Variants in SLIT1 observed in about 807,000 individuals in gnomAD.
SLIT1 encodes slit guidance ligand 1.
In SLIT1, 66 loss-of-function variants were observed where a neutral mutation model predicts 186.1. The ratio of observed to expected loss-of-function variants is 0.35; its 90% CI spans 0.29 to 0.44. The LOEUF (loss-of-function observed/expected upper bound fraction) is 0.44. SLIT1 is among the 20% of genes least tolerant of loss of function. The probability of loss-of-function intolerance (pLI) is 1.00; values close to 1 mark genes in which losing one functional copy is unlikely to be tolerated. For missense variants in SLIT1, 1,638 were observed against 2,037.4 expected (o/e 0.80, Z 3.77); for synonymous variants, 761 against 833.8 (o/e 0.91, Z 1.50).
chr10:97,132,796 G>A (rs1345108722), intron 4 of SLIT1, among the ~76,000 whole-genome samples: 1 of 152,170 alleles, frequency 6.6e-6, no homozygotes, highest in Non-Finnish European at 1.5e-5. Context: ...AATCTCCAGG[G>A]CCGGTGGGGC....
chr10:97,149,467 C>T (rs373853316), intron 4 of SLIT1, among the ~76,000 whole-genome samples: 11 of 152,182 alleles, frequency 7.2e-5, no homozygotes, highest in Middle Eastern at 6.8e-3. Flanking sequence ...TTGAACCGGG[C>T]GGGGCAGAAG....
At chr10:97,086,608 TATCAAGTCAAACTGAAATGCA>T (rs1849162754) in intron 4 of SLIT1, among the ~76,000 whole-genome samples, 1 of 152,024 alleles carries the variant, frequency 6.6e-6, no homozygotes, top group Non-Finnish European at 1.5e-5. Context: ...AGGAAAGGAC[TATCAAGTCAAACTGAAATGCA>T]TATGATTAAG....
chr10:97,126,742 G>A (rs754848423), intron 4 of SLIT1, among the ~76,000 whole-genome samples: 19 of 152,170 alleles, frequency 1.2e-4, no homozygotes, highest in African/African-American at 4.3e-4. Flanking sequence ...GGCTGGTCTC[G>A]GGCAGGTCCT....
At chr10:97,013,667 G>T in intron 30 of SLIT1, 74 bp downstream of exon 30, 1 of 1,076,006 alleles carries the variant, frequency 9.3e-7, no homozygotes, top group Non-Finnish European at 1.4e-6. Flanking sequence ...GGTGGGGCAC[G>T]GAGCCCAGAC....
In SLIT1 at chr10:97,001,198, T is replaced by G; in HGVS notation, c.4519A>C (p.Lys1507Gln). The G allele has an allele frequency of 6.2e-7, 1 of 1,613,208 alleles. No homozygotes were observed. Among genetic ancestry groups the G allele is most frequent in the Non-Finnish European group, 8.5e-7 (1 of 1,179,892 alleles). Residue 1507 changes from lysine (K) to glutamine (Q), a missense_variant, in exon 37 of 37, where the codon AAG (lysine) becomes CAG (glutamine). Coordinates refer to ENST00000266058, the MANE Select transcript of SLIT1 (RefSeq NM_003061.3). ...CCQGLRLKRR[K>Q]FTFECSDGTS... ...CCATCGCTGCACTCAAAGGTGAACT[T>G]CCTCCGCTTCAGCCGAAGGCCCTGG...
chr10:97,040,048 C>T lies in SLIT1; in HGVS notation c.2237G>A (p.Arg746Gln), dbSNP rs758675702. 8 of 1,612,800 alleles carry T rather than the reference C, an allele frequency of 5.0e-6. No individual in the cohort carries two copies. Among genetic ancestry groups the T allele is most frequent in the East Asian group, 2.2e-5 (1 of 44,822 alleles). The change falls in exon 21 of 37, where the codon CGA becomes CAA. Residue 746 changes from arginine (R) to glutamine (Q), a missense_variant. Physicochemically the swap from Arg to Gln is conservative, Grantham distance 43. Transcript: ENST00000266058. ...QECACLDTVVRCSNKHLRALP... is the reference protein window; with the variant it reads ...QECACLDTVVQCSNKHLRALP... The stretch of plus-strand genomic sequence containing the variant: ...GGCCCGCAGGTGCTTGTTGCTGCAT[C>T]GGACCACGGTGTCCAGGCAGGCGCA...
At position 97,004,566 on chromosome 10, in the gene SLIT1, G is replaced by T; in HGVS notation, c.3710+127C>A. ...GCTGGGGCTAACCCAGATGGTTCAA[G>T]TGTCCTTCAAACTCAGGCAGCCCAG... is the stretch of plus-strand genomic sequence containing the variant. On this transcript the variant is annotated intron_variant, in intron 33 of 36. Transcript: ENST00000266058. The surrounding 1 kb of genome is among the most constrained non-coding windows in gnomAD (Gnocchi z 5.1). 1 of 1,148,634 alleles carries T rather than the reference G, an allele frequency of 8.7e-7. No individual in the cohort carries two copies. The highest frequency in any genetic ancestry group is 1.3e-6 in the Non-Finnish European group (1 of 784,338). 71.2% of individuals were successfully genotyped at this position (1,148,634 alleles called of 1,614,324 possible). A position where few individuals can be genotyped will look rare whatever the true frequency, so the allele number is the denominator to read the frequency against.
intron 4 of SLIT1, among the ~76,000 whole-genome samples, chr10:97,067,091 A>T (rs1321382086): frequency 6.6e-6 from 1 of 152,198 alleles, no homozygotes; most frequent in Non-Finnish European, 1.5e-5. Context: ...GCCTGACTCC[A>T]AACCCTGTGC....
Position 97,043,667 on chromosome 10 carries a change from C to G in SLIT1, c.1854-154G>C, listed in dbSNP as rs1848710658. Among the ~76,000 whole-genome samples the G allele has an allele frequency of 6.6e-6, 1 of 152,156 alleles. No homozygotes were observed. The highest frequency in any genetic ancestry group is 6.5e-5 in the Admixed American group (1 of 15,290). ...GAACACGCACCAGCCAGGCCCCGGCCAGGTGAGGCGAGTTTTACACACCTG... is the reference window on the plus strand; with the variant it reads ...GAACACGCACCAGCCAGGCCCCGGCGAGGTGAGGCGAGTTTTACACACCTG... On this transcript the variant is annotated intron_variant, in intron 18 of 36. Coordinates refer to ENST00000266058, the MANE Select transcript of SLIT1 (RefSeq NM_003061.3). This position sits in a 1 kb window ranked among gnomAD's most constrained non-coding sequence, Gnocchi z 7.0.
At chr10:97,100,124 C>A (rs1849335545) in intron 4 of SLIT1, among the ~76,000 whole-genome samples, 1 of 152,152 alleles carries the variant, frequency 6.6e-6, no homozygotes, top group Non-Finnish European at 1.5e-5. Flanking sequence ...GTGTTGGAGA[C>A]CCTTCCTGCT....
intron 4 of SLIT1, among the ~76,000 whole-genome samples, chr10:97,111,016 C>T (rs1849459271): frequency 6.6e-6 from 1 of 151,896 alleles, no homozygotes; most frequent in African/African-American, 2.4e-5. Context: ...ATGGTGAAAC[C>T]CCATCTCTAC....
intron 4 of SLIT1, among the ~76,000 whole-genome samples, chr10:97,097,237 C>CA (rs1164336176): frequency 2.6e-5 from 4 of 152,234 alleles, no homozygotes; most frequent in African/African-American, 9.6e-5. Context: ...GATCCCAGAG[C>CA]ATGGAGTGCC....
At chr10:97,018,322 C>T (rs1848471660) in intron 28 of SLIT1, among the ~76,000 whole-genome samples, 1 of 152,246 alleles carries the variant, frequency 6.6e-6, no homozygotes, top group Non-Finnish European at 1.5e-5. Flanking sequence ...CCTGCTCAAC[C>T]CTGGAGCTGG....
chr10:97,044,430 C>G (rs1485692606), intron 18 of SLIT1, among the ~76,000 whole-genome samples: 1 of 152,070 alleles, frequency 6.6e-6, no homozygotes, highest in African/African-American at 2.4e-5. Flanking sequence ...CAACAAAAAC[C>G]CAGCTCAATT....
chr10:97,094,124 C>T (rs993697038), intron 4 of SLIT1, among the ~76,000 whole-genome samples: 1 of 152,236 alleles, frequency 6.6e-6, no homozygotes, highest in Non-Finnish European at 1.5e-5. Context: ...CCCCAGAGGA[C>T]CTCCTGTGTC....
At chr10:97,113,981 A>C (rs1849487536) in intron 4 of SLIT1, among the ~76,000 whole-genome samples, 1 of 152,082 alleles carries the variant, frequency 6.6e-6, no homozygotes, top group African/African-American at 2.4e-5. Context: ...TGAGGCATTG[A>C]GGGGAAGACA....
At chr10:97,086,451 G>A (rs912469728) in intron 4 of SLIT1, among the ~76,000 whole-genome samples, 1 of 152,012 alleles carries the variant, frequency 6.6e-6, no homozygotes, top group Non-Finnish European at 1.5e-5. Context: ...GGTGGTGCAT[G>A]CCTGTAGTCC....
At chr10:97,045,568 T>C (rs1848727168) in intron 18 of SLIT1, among the ~76,000 whole-genome samples, 1 of 152,178 alleles carries the variant, frequency 6.6e-6, no homozygotes, top group South Asian at 2.1e-4. Context: ...CCTCTGTCCT[T>C]ATCTAAGTCT....
intron 4 of SLIT1, among the ~76,000 whole-genome samples, chr10:97,139,247 G>A (rs567365675): frequency 6.6e-6 from 1 of 152,198 alleles, no homozygotes; most frequent in Non-Finnish European, 1.5e-5. Context: ...AAGTACTCAG[G>A]AGTCTAAGAC....
Sources: allele counts gnomAD v4.1 joint callset (sites outside exome capture counted in the v4.1 genomes callset), GRCh38; gene constraint gnomAD v4.1.1; non-coding constraint Gnocchi (gnomAD v3.1); transcripts MANE v1.5; gene names NCBI Gene and HGNC (gene_info 2026-07-23, HGNC 2026-07-21).